Variants in TRIM16 observed in about 807,000 individuals in gnomAD.
TRIM16 encodes tripartite motif containing 16.
A neutral mutation model predicts 50.4 loss-of-function variants in TRIM16; 33 were observed. That is an observed-to-expected ratio of 0.65 (90% CI 0.50 to 0.88). The LOEUF (loss-of-function observed/expected upper bound fraction) is 0.88. Ranked by LOEUF, TRIM16 falls within the 40% of genes least tolerant of loss-of-function variation. The pLI, the probability that TRIM16 is intolerant of heterozygous loss-of-function variation, is 0.00. For missense variants in TRIM16, 581 were observed against 686.8 expected (o/e 0.85, Z 1.72); for synonymous variants, 229 against 270.7 (o/e 0.85, Z 1.51).
At chr17:15,642,489 A>C (rs186034227) in intron 8 of TRIM16, among the ~76,000 whole-genome samples, 5,794 of 148,846 alleles carry the variant, frequency 0.039, 483 homozygotes, top group African/African-American at 0.13. Context: ...TTACAGGATT[A>C]GTCTTGGTTC....
In TRIM16 at chr17:15,651,477, C is replaced by G. The variant is rs199499021; in HGVS notation, c.133G>C (p.Val45Leu). The G allele has an allele frequency of 1.2e-6, 2 of 1,611,600 alleles. No homozygotes were observed. The highest frequency in any genetic ancestry group is 1.7e-5 in the Admixed American group (1 of 59,862). The change falls in exon 7 of 12, where the codon GTG becomes CTG. Residue 45 changes from valine (V) to leucine (L), a missense_variant. Val to Leu is a conservative substitution (Grantham distance 32). Transcript: ENST00000649191. Reference protein sequence around the residue: ...GSASPVEEEDVGSSEKLGRET... With the variant: ...GSASPVEEEDLGSSEKLGRET... ...CTGCCAAGCTTCTCCGAGGAGCCCA[C>G]GTCCTCTTCTTCCACTGGGCTGGCT...
chr17:15,665,434 G>C (rs375636583), intron 6 of TRIM16, among the ~76,000 whole-genome samples: 2 of 152,182 alleles, frequency 1.3e-5, no homozygotes, highest in Non-Finnish European at 2.9e-5. Flanking sequence ...GCGTGAACCC[G>C]GAAGGCAGAG....
intron 8 of TRIM16, among the ~76,000 whole-genome samples, chr17:15,642,445 A>T (rs1415922244): frequency 6.7e-6 from 1 of 148,496 alleles, no homozygotes; most frequent in Non-Finnish European, 1.5e-5. Context: ...CTGTCAAGAC[A>T]GCATAAGCAA....
intron 7 of TRIM16, among the ~76,000 whole-genome samples, chr17:15,644,311 G>A (rs547415908): frequency 4.3e-4 from 66 of 152,080 alleles, no homozygotes; most frequent in African/African-American, 1.3e-3. Context: ...TCAGCCTCCC[G>A]AGGAGCTGGG....
At chr17:15,634,941 T>C (rs1986654852) in intron 9 of TRIM16, among the ~76,000 whole-genome samples, 1 of 149,130 alleles carries the variant, frequency 6.7e-6, no homozygotes, top group Non-Finnish European at 1.5e-5. Flanking sequence ...TAAATGGTTA[T>C]TCATATTTTC....
At chr17:15,659,121 C>T (rs1315485226) in intron 6 of TRIM16, among the ~76,000 whole-genome samples, 1 of 152,204 alleles carries the variant, frequency 6.6e-6, no homozygotes, top group Non-Finnish European at 1.5e-5. Flanking sequence ...AGATTGCCAG[C>T]TCAGTACCTG....
At chr17:15,639,229 A>C (rs1325448617) in intron 8 of TRIM16, among the ~76,000 whole-genome samples, 1 of 144,106 alleles carries the variant, frequency 6.9e-6, no homozygotes, top group East Asian at 2.1e-4. Context: ...TATTTTTTGT[A>C]GAGATAGGAG....
rs182850025 is a variant in TRIM16 at position 15,651,052 on chromosome 17, G to A, written c.519+39C>T. 2.3e-5 allele frequency: 36 copies of A among 1,571,014 alleles called. No homozygotes were observed. In the Admixed American group the frequency reaches 2.9e-4, roughly 13 times the overall value. On this transcript the variant is annotated intron_variant, in intron 7 of 11. Coordinates refer to ENST00000649191, the MANE Select transcript of TRIM16 (RefSeq NM_001348119.1). ...CCAGCTGGGCACACCATCCCCCACC[G>A]CCCTCTCCCAAATGGATGAATGGTC...
intron 6 of TRIM16, among the ~76,000 whole-genome samples, chr17:15,669,088 T>C (rs1371513934): frequency 6.6e-6 from 1 of 151,780 alleles, no homozygotes; most frequent in East Asian, 1.9e-4. Flanking sequence ...AAATATATAT[T>C]AAAAATAAAA....
At chr17:15,657,534 C>T (rs1988034087) in intron 6 of TRIM16, among the ~76,000 whole-genome samples, 1 of 152,214 alleles carries the variant, frequency 6.6e-6, no homozygotes, top group Admixed American at 6.5e-5. Flanking sequence ...TAACCAATAA[C>T]TCCTCATTCC....
At chr17:15,646,930 C>T (rs984960113) in intron 7 of TRIM16, among the ~76,000 whole-genome samples, 3 of 152,048 alleles carry the variant, frequency 2.0e-5, no homozygotes. Context: ...TTACGTAATA[C>T]TGAGTCCTGG....
chr17:15,675,181 T>C (rs1988875683), intron 6 of TRIM16, among the ~76,000 whole-genome samples: 1 of 152,200 alleles, frequency 6.6e-6, no homozygotes, highest in African/African-American at 2.4e-5. Flanking sequence ...CTAGTCCAGA[T>C]TTCAGTTCAG....
chr17:15,635,422 C>T (rs547703835), intron 9 of TRIM16, among the ~76,000 whole-genome samples: 1 of 148,468 alleles, frequency 6.7e-6, no homozygotes, highest in South Asian at 2.2e-4. Context: ...AAAAGCATTT[C>T]CTGGTTCCAA....
intron 4 of TRIM16, among the ~76,000 whole-genome samples, chr17:15,678,340 G>A (rs1346187713): frequency 6.6e-6 from 1 of 152,118 alleles, no homozygotes; most frequent in Non-Finnish European, 1.5e-5. Context: ...TTTGAGAACA[G>A]TGCTACGAGC....
chr17:15,650,928 A>G (rs938596918), intron 7 of TRIM16, among the ~76,000 whole-genome samples, 163 bp downstream of exon 7: 8 of 152,242 alleles, frequency 5.3e-5, no homozygotes, highest in African/African-American at 1.7e-4. Context: ...ACCAAGTGCA[A>G]TGTATATTTA....
rs76498361 is a variant in TRIM16, at chr17:15,681,091, G to A, written c.-678-138C>T. 796 of 694,840 alleles carry A rather than the reference G, an allele frequency of 1.1e-3. 12 individuals are homozygous for A. In the East Asian group the frequency reaches 0.023, roughly 20 times the overall value. 43.0% of individuals were successfully genotyped at this position (694,840 alleles called of 1,614,324 possible). On this transcript the variant is annotated intron_variant, in intron 3 of 11. Coordinates refer to ENST00000649191, the MANE Select transcript of TRIM16 (RefSeq NM_001348119.1). ...CTTGAAGGATTTTACAGACATCTAT[G>A]TAATGAGACTTCAAAGATAATCTCA...
chr17:15,631,895 A>G (rs1205529023), intron 10 of TRIM16, 181 bp from the exon 11 acceptor site: 4 of 619,040 alleles, frequency 6.5e-6, no homozygotes, highest in Non-Finnish European at 8.5e-6. Flanking sequence ...GGCATAAACC[A>G]CTGAAAAAGT....
At chr17:15,680,398 A>G (rs1208887435) in intron 4 of TRIM16, among the ~76,000 whole-genome samples, 1 of 150,470 alleles carries the variant, frequency 6.6e-6, no homozygotes, top group East Asian at 1.9e-4. Flanking sequence ...ATTTGTGTAC[A>G]TCTTTTCTCC....
intron 8 of TRIM16, among the ~76,000 whole-genome samples, chr17:15,642,397 C>T (rs1337125066): frequency 6.7e-6 from 1 of 148,824 alleles, no homozygotes; most frequent in Non-Finnish European, 1.5e-5. Context: ...AGTTTTTGGA[C>T]CTCTGACTAA....
Sources: allele counts gnomAD v4.1 joint callset (sites outside exome capture counted in the v4.1 genomes callset), GRCh38; gene constraint gnomAD v4.1.1; transcripts MANE v1.5; gene names NCBI Gene and HGNC (gene_info 2026-07-23, HGNC 2026-07-21).